Variants in DIPK1C observed in about 807,000 individuals in gnomAD.
DIPK1C encodes the protein divergent protein kinase domain 1C, also known as familial non-conventional Alzheimer's dementia.
In DIPK1C, 33 loss-of-function variants were observed where a neutral mutation model predicts 28.0. The observed-to-expected ratio is 1.18, with a 90% confidence interval of 0.89 to 1.58. The LOEUF (loss-of-function observed/expected upper bound fraction) is 1.58. DIPK1C is among the 40% of genes most tolerant of loss of function. The pLI is 0.00. For missense variants in DIPK1C, 569 were observed against 568.5 expected (o/e 1.00, Z -0.01); for synonymous variants, 255 against 248.8 (o/e 1.02, Z -0.23).
intron 1 of DIPK1C, among the ~76,000 whole-genome samples, chr18:74,449,941 G>A (rs1468149782): frequency 6.6e-6 from 1 of 152,146 alleles, no homozygotes; most frequent in African/African-American, 2.4e-5. Flanking sequence ...GGAGGATCCG[G>A]ACCCTTTGCG....
At chr18:74,440,532 A>G (rs1986099267) in intron 3 of DIPK1C, among the ~76,000 whole-genome samples, 1 of 152,266 alleles carries the variant, frequency 6.6e-6, no homozygotes, top group Admixed American at 6.5e-5. Flanking sequence ...GAAATTTACT[A>G]TCATTGGATT....
chr18:74,446,093 G>C (rs1282092615), intron 2 of DIPK1C, among the ~76,000 whole-genome samples: 4 of 152,190 alleles, frequency 2.6e-5, no homozygotes, highest in Admixed American at 2.0e-4. Context: ...TGTTCCTCTA[G>C]AAGTCTTACA....
chr18:74,448,126 C>T (rs117485671), intron 1 of DIPK1C, among the ~76,000 whole-genome samples: 1 of 152,166 alleles, frequency 6.6e-6, no homozygotes, highest in Non-Finnish European at 1.5e-5. Flanking sequence ...GCCCGATAAT[C>T]CTGCCAGAGG....
intron 1 of DIPK1C, among the ~76,000 whole-genome samples, chr18:74,450,944 A>G (rs1986384046): frequency 6.6e-6 from 1 of 152,192 alleles, no homozygotes; most frequent in Non-Finnish European, 1.5e-5. Flanking sequence ...AATGAGGACA[A>G]TGGTACTGTG....
upstream of DIPK1C, among the ~76,000 whole-genome samples, chr18:74,462,647 A>G (rs1986634260): frequency 6.6e-6 from 1 of 151,368 alleles, no homozygotes; most frequent in Admixed American, 6.6e-5. Flanking sequence ...TGAGTCTCAT[A>G]GTACATATAT....
In DIPK1C at chr18:74,454,773, G is replaced by A. The variant is rs77182221; in HGVS notation, c.198+2289C>T. 0.015 allele frequency among the ~76,000 whole-genome samples: 2,252 copies of A among 152,260 alleles called. 89 individuals carry two copies. The East Asian group carries it at 0.17, about 11-fold the overall frequency. On this transcript the variant is annotated intron_variant, in intron 1 of 3. Coordinates refer to ENST00000343998, the MANE Select transcript of DIPK1C (RefSeq NM_001044369.3). ...AGTTGGGATTGTGAAGATTGGGGTC[G>A]TATTTAAACCCTGTCCTGAGAGTGT...
In DIPK1C at chr18:74,446,740, C is replaced by A; in HGVS notation, c.742G>T (p.Gly248Cys). The change falls in exon 2 of 4, where the codon GGC becomes TGC. Residue 248 changes from glycine (G) to cysteine (C), a missense_variant. Gly to Cys is a radical substitution (Grantham distance 159, BLOSUM62 -3). Coordinates refer to ENST00000343998, the MANE Select transcript of DIPK1C (RefSeq NM_001044369.3). ...ATGTCACTGATGGCCTTGGCCTGGCCACCCCCAGGGGCACCTGGGGCCCGG... is the reference window on the plus strand; with the variant it reads ...ATGTCACTGATGGCCTTGGCCTGGCAACCCCCAGGGGCACCTGGGGCCCGG... The part of the protein sequence containing the change: ...LDRAPGAPGG[G>C]QAKAISDIAL... 6.5e-7 allele frequency: 1 copy of A among 1,538,812 alleles called. No homozygotes were observed. The highest frequency in any genetic ancestry group is 1.2e-5 in the South Asian group (1 of 82,366).
At chr18:74,458,603 G>GGGGTTTGGGTGTCAATCAATCAACAGCA (rs1986568681), upstream of DIPK1C, among the ~76,000 whole-genome samples, 1 of 132,442 alleles carries the variant, frequency 7.6e-6, no homozygotes, top group Non-Finnish European at 1.6e-5. Flanking sequence ...ACAGACCCTT[G>GGGGTTTGGGTGTCAATCAATCAACAGCA]GGGTTTGGGT....
At chr18:74,448,673 C>G (rs1986329307) in intron 1 of DIPK1C, among the ~76,000 whole-genome samples, 2 of 152,152 alleles carry the variant, frequency 1.3e-5, no homozygotes, top group African/African-American at 4.8e-5. Flanking sequence ...TCAGGAGAAG[C>G]CTGGGAACAG....
intron 1 of DIPK1C, among the ~76,000 whole-genome samples, chr18:74,453,855 A>T (rs944617104): frequency 6.6e-6 from 1 of 152,108 alleles, no homozygotes; most frequent in African/African-American, 2.4e-5. Context: ...CATCTGTAAA[A>T]TGGGGATACT....
At chr18:74,460,747 T>G (rs1285467979), upstream of DIPK1C, among the ~76,000 whole-genome samples, 1 of 152,250 alleles carries the variant, frequency 6.6e-6, no homozygotes, top group Admixed American at 6.5e-5. Context: ...TTCATTTTTC[T>G]GTAATAAAGC....
chr18:74,458,861 C>T (rs946967204), upstream of DIPK1C, among the ~76,000 whole-genome samples: 1 of 151,942 alleles, frequency 6.6e-6, no homozygotes, highest in African/African-American at 2.4e-5. Context: ...AGCCTGCTGG[C>T]TCATGCCTGC....
In DIPK1C at chr18:74,442,431, C is replaced by T. The variant is rs570756253; in HGVS notation, c.877-315G>A. Among the ~76,000 whole-genome samples the T allele has an allele frequency of 9.8e-5, 15 of 152,312 alleles. 1 individual carries two copies. In the South Asian group the frequency reaches 3.1e-3, roughly 32 times the overall value. On this transcript the variant is annotated intron_variant, in intron 2 of 3. Coordinates refer to ENST00000343998, the MANE Select transcript of DIPK1C (RefSeq NM_001044369.3). ...GCAAGCTCCGCCTTCCGGGTTCACG[C>T]CATTCTCCTTCCTCAGCCTCCAGAG...
At chr18:74,456,959 G>C (rs571930424) in intron 1 of DIPK1C, 103 bp downstream of exon 1, 1 of 1,202,462 alleles carries the variant, frequency 8.3e-7, no homozygotes, top group Non-Finnish European at 1.1e-6. Flanking sequence ...TCCCCGGCGG[G>C]TGCCACCGCC....
At chr18:74,460,097 C>A (rs960887180), upstream of DIPK1C, among the ~76,000 whole-genome samples, 1 of 152,174 alleles carries the variant, frequency 6.6e-6, no homozygotes, top group African/African-American at 2.4e-5. Flanking sequence ...CCAAGAGTCA[C>A]CACAAGGGGA....
chr18:74,460,832 T>C (rs1175572255), upstream of DIPK1C, among the ~76,000 whole-genome samples: 2 of 152,228 alleles, frequency 1.3e-5, no homozygotes, highest in East Asian at 3.8e-4. Flanking sequence ...TGAGCACCTC[T>C]ATTTTGGTGT....
At chr18:74,440,739 G>A (rs1330280950) in intron 3 of DIPK1C, among the ~76,000 whole-genome samples, 1 of 152,228 alleles carries the variant, frequency 6.6e-6, no homozygotes, top group Non-Finnish European at 1.5e-5. Flanking sequence ...GCAAAGAGCA[G>A]GCGTTTGTGT....
upstream of DIPK1C, among the ~76,000 whole-genome samples, chr18:74,462,239 G>C (rs1363499634): frequency 6.6e-6 from 1 of 152,172 alleles, no homozygotes; most frequent in Non-Finnish European, 1.5e-5. Flanking sequence ...CTGCTCACTT[G>C]CATTCCCTCC....
At chr18:74,440,356 A>G (rs1986094242) in intron 3 of DIPK1C, among the ~76,000 whole-genome samples, 2 of 152,222 alleles carry the variant, frequency 1.3e-5, no homozygotes, top group African/African-American at 4.8e-5. Context: ...ATATGTGCAC[A>G]AATAAAATTG....
Sources: allele counts gnomAD v4.1 joint callset (sites outside exome capture counted in the v4.1 genomes callset), GRCh38; gene constraint gnomAD v4.1.1; transcripts MANE v1.5; gene names NCBI Gene and HGNC (gene_info 2026-07-23, HGNC 2026-07-21).